MKRN2: variants seen among roughly 807,000 people sequenced by gnomAD.
MKRN2 encodes makorin ring finger protein 2.
In MKRN2, 32 loss-of-function variants were observed where a neutral mutation model predicts 45.4. That is an observed-to-expected ratio of 0.70 (90% confidence interval 0.53 to 0.95). The LOEUF is 0.95. MKRN2 is among the 40% of genes least tolerant of loss of function. The pLI is 0.00. For missense variants in MKRN2, 526 were observed against 536.7 expected (o/e 0.98, Z 0.20); for synonymous variants, 206 against 192.4 (o/e 1.07, Z -0.59).
chr3:12,572,508 C>A, intron 4 of MKRN2, 135 bp downstream of exon 4: 1 of 748,754 alleles, frequency 1.3e-6, no homozygotes, highest in Non-Finnish European at 2.0e-6. Context: ...TTTCCACAGG[C>A]ATCCCCCTGC....
intron 6 of MKRN2, 56 bp downstream of exon 6, chr3:12,576,797 C>A: frequency 7.8e-7 from 1 of 1,286,582 alleles, no homozygotes; most frequent in Non-Finnish European, 1.1e-6. Flanking sequence ...CTGCTGTCAG[C>A]CCGTGTCCTC....
rs2058104443 is a variant in MKRN2, at chr3:12,572,263, G to A, written c.532G>A (p.Glu178Lys). ...QQLCPYAAAG[E>K]CRFGDACVYL... ...GCTGTGCCCCTACGCAGCTGCTGGG[G>A]AGTGCCGGTTTGGGGATGCCTGTGT... is the stretch of plus-strand genomic sequence containing the variant. Residue 178 changes from glutamate (E) to lysine (K), a missense_variant, in exon 4 of 8, where the codon GAG becomes AAG. By Grantham distance (56) the Glu-to-Lys change is moderately conservative. Coordinates refer to ENST00000170447, the MANE Select transcript of MKRN2 (RefSeq NM_014160.5). The A allele has an allele frequency of 1.2e-6, 2 of 1,613,978 alleles. No individual in the cohort carries two copies. The highest frequency in any genetic ancestry group is 1.3e-5 in the African/African-American group (1 of 74,900).
At chr3:12,570,883 CAAAAAA>C (rs889392244) in intron 3 of MKRN2, among the ~76,000 whole-genome samples, 1,789 of 48,786 alleles carry the variant, frequency 0.037, 32 homozygotes, top group African/African-American at 0.11. Context: ...GACTCCCTCT[CAAAAAA>C]AAAAAAAAAA....
At chr3:12,577,456 A>G (rs757563339) in intron 6 of MKRN2, among the ~76,000 whole-genome samples, 5 of 151,978 alleles carry the variant, frequency 3.3e-5, no homozygotes, top group African/African-American at 4.8e-5. Context: ...GGGGATATTC[A>G]TTCTTTTTCA....
Position 12,557,114 on chromosome 3 carries a change from G to A in MKRN2, c.-37G>A. On this transcript the variant is annotated 5_prime_UTR_variant, in exon 1 of 8. Transcript: ENST00000170447. ...GGCCGAGGCGGCAGCGGCTGCGAGA[G>A]GCGGCGGCACGACGACGGTCCCTCA... 6.7e-7 allele frequency: 1 copy of A among 1,493,148 alleles called. No homozygotes were observed. The highest frequency in any genetic ancestry group is 2.2e-5 in the Admixed American group (1 of 44,492). The allele number at this position is 1,493,148 out of a possible 1,614,324, so 92.5% of individuals were successfully genotyped here. A position where few individuals can be genotyped will look rare whatever the true frequency, so the allele number is the denominator to read the frequency against.
intron 6 of MKRN2, among the ~76,000 whole-genome samples, chr3:12,579,513 A>G (rs1575523703): frequency 6.6e-6 from 1 of 152,196 alleles, no homozygotes; most frequent in African/African-American, 2.4e-5. Flanking sequence ...ATTATGATAC[A>G]GGTTTGCTGG....
In MKRN2 at chr3:12,582,353, A is replaced by C; in HGVS notation, c.*100A>C. 3.4e-6 allele frequency: 5 copies of C among 1,486,038 alleles called. No homozygotes were observed. Among genetic ancestry groups the C allele is most frequent in the Non-Finnish European group, 4.6e-6 (5 of 1,083,000 alleles). The allele number at this position is 1,486,038 out of a possible 1,614,324, so 92.1% of individuals were successfully genotyped here. ...TGTACTGCAGCCAAGGTGACGTGTG[A>C]CTTGGATTTGAGTGGAGTTGGGCTT... On this transcript the variant is annotated 3_prime_UTR_variant, in exon 8 of 8. Coordinates refer to ENST00000170447, the MANE Select transcript of MKRN2 (RefSeq NM_014160.5).
Position 12,574,850 on chromosome 3 carries a change from A to G in MKRN2, c.701A>G (p.Gln234Arg). ...AAGGCCTTTGCCTTCCAGGCAAGCC[A>G]GGACAAAGTGTGCAGTATCTGCATG... ...MEKAFAFQAS[Q>R]DKVCSICMEV... The change falls in exon 5 of 8, where the codon CAG becomes CGG. Residue 234 changes from glutamine to arginine, a missense_variant. Gln to Arg is a conservative substitution (Grantham distance 43). Transcript: ENST00000170447. 3 of 1,614,236 alleles carry G rather than the reference A, an allele frequency of 1.9e-6. No individual in the cohort carries two copies. Among genetic ancestry groups the G allele is most frequent in the South Asian group, 1.1e-5 (1 of 91,086 alleles).
intron 1 of MKRN2, chr3:12,560,963 C>T (rs1313647646): frequency 6.6e-6 from 1 of 152,192 alleles, no homozygotes; most frequent in Non-Finnish European, 1.5e-5. Flanking sequence ...TGACTATAAG[C>T]ACATGACAGA....
rs1323336927 is a variant in MKRN2 at position 12,582,519 on chromosome 3, A to G, written c.*266A>G. The G allele has an allele frequency of 1.1e-5, 4 of 361,512 alleles. No homozygotes were observed. The highest frequency in any genetic ancestry group is 6.1e-5 in the African/African-American group (3 of 49,540). 22.4% of individuals were successfully genotyped at this position (361,512 alleles called of 1,614,324 possible). ...AAGCCCCTCAGGGGTAACAACTAAC[A>G]AACACCCAAACTGTTTGGATTGATT... On this transcript the variant is annotated 3_prime_UTR_variant, in exon 8 of 8. Coordinates refer to ENST00000170447, the MANE Select transcript of MKRN2 (RefSeq NM_014160.5).
intron 1 of MKRN2, among the ~76,000 whole-genome samples, chr3:12,566,069 A>T (rs1413582113): frequency 6.6e-6 from 1 of 151,646 alleles, no homozygotes; most frequent in Non-Finnish European, 1.5e-5. Flanking sequence ...GCCCAGGCTG[A>T]CCTCAAACTC....
intron 6 of MKRN2, among the ~76,000 whole-genome samples, chr3:12,580,570 A>T (rs1039907951): frequency 6.6e-6 from 1 of 151,866 alleles, no homozygotes; most frequent in African/African-American, 2.4e-5. Flanking sequence ...CTCCTGCCTC[A>T]GCCTCAGCCT....
chr3:12,572,939 A>G (rs1392224597), intron 4 of MKRN2, among the ~76,000 whole-genome samples: 1 of 152,186 alleles, frequency 6.6e-6, no homozygotes, highest in Non-Finnish European at 1.5e-5. Context: ...TCGTATCTGA[A>G]ATATAAAATC....
chr3:12,576,538 T>G, intron 5 of MKRN2, 93 bp from the exon 6 acceptor site: 1 of 780,492 alleles, frequency 1.3e-6, no homozygotes, highest in Non-Finnish European at 2.2e-6. Context: ...GAAATGCCTG[T>G]AGTGGTGAGG....
intron 1 of MKRN2, among the ~76,000 whole-genome samples, chr3:12,561,354 C>T (rs917916984): frequency 6.6e-6 from 1 of 152,150 alleles, no homozygotes; most frequent in Non-Finnish European, 1.5e-5. Context: ...TAAAAGGCAT[C>T]CTTGCAGGAG....
chr3:12,560,996 A>C (rs1192198293), intron 1 of MKRN2: 1 of 152,234 alleles, frequency 6.6e-6, no homozygotes, highest in South Asian at 2.1e-4. Flanking sequence ...GACAAGCAGG[A>C]TGTGCTCTAG....
At chr3:12,567,709 T>C (rs573738340) in intron 1 of MKRN2, among the ~76,000 whole-genome samples, 1 of 152,200 alleles carries the variant, frequency 6.6e-6, no homozygotes, top group East Asian at 1.9e-4. Flanking sequence ...CAGACTGGTC[T>C]GGAACCCCCG....
intron 1 of MKRN2, among the ~76,000 whole-genome samples, chr3:12,568,264 G>T (rs1371974203): frequency 1.3e-5 from 2 of 152,142 alleles, no homozygotes; most frequent in Non-Finnish European, 2.9e-5. Flanking sequence ...CTTCAGCCTG[G>T]GTGACAGAGA....
chr3:12,574,740 GC>G, intron 4 of MKRN2, 51 bp from the exon 5 acceptor site: 1 of 1,522,758 alleles, frequency 6.6e-7, no homozygotes, highest in South Asian at 1.1e-5. Context: ...TAGGGCTCCT[GC>G]CACTCCTCAG....
Sources: gnomAD v4.1 joint callset for allele counts (sites outside exome capture counted in the v4.1 genomes callset) on GRCh38, gnomAD v4.1.1 for gene constraint, MANE v1.5 for transcripts, NCBI Gene and HGNC (gene_info 2026-07-23, HGNC 2026-07-21) for gene names.